PXDNL: variants seen among roughly 807,000 people sequenced by gnomAD.
PXDNL encodes probable oxidoreductase PXDNL.
A neutral mutation model predicts 150.8 loss-of-function variants in PXDNL; 145 were observed. The ratio of observed to expected loss-of-function variants is 0.96; its 90% CI spans 0.84 to 1.10. PXDNL has a LOEUF of 1.10. PXDNL is among the 50% of genes least tolerant of loss of function. The pLI is 0.00. For synonymous variants in PXDNL, 757 were observed against 725.7 expected (o/e 1.04, Z -0.69); for missense variants, 2,087 against 1,873.9 (o/e 1.11, Z -2.10).
chr8:51,731,062 A>G (rs1487779618), intron 1 of PXDNL, among the ~76,000 whole-genome samples: 3 of 152,130 alleles, frequency 2.0e-5, no homozygotes. Context: ...TTCAAAACCA[A>G]TCATGCCTTC....
At chr8:51,668,705 T>A (rs1815439847) in intron 1 of PXDNL, among the ~76,000 whole-genome samples, 1 of 152,222 alleles carries the variant, frequency 6.6e-6, no homozygotes, top group African/African-American at 2.4e-5. Context: ...GGCATCATTA[T>A]CAATATTACT....
In PXDNL at chr8:51,409,405, G is replaced by T; in HGVS notation, c.2219C>A (p.Pro740His). The T allele has an allele frequency of 1.2e-6, 2 of 1,610,778 alleles. No homozygotes were observed. The highest frequency in any genetic ancestry group is 1.1e-5 in the South Asian group (1 of 90,994). ...HDGTCNNLQQ[P>H]TWGAALTAFA... ...GGCGGTCAGCGCCGCGCCCCACGTG[G>T]GCTGCTGCAGGTTGTTGCACGTGCC... The change falls in exon 17 of 23, where the codon CCC becomes CAC. Residue 740 changes from proline to histidine, a missense_variant. By Grantham distance (77) the Pro-to-His change is moderately conservative (BLOSUM62 -2). Transcript: ENST00000356297.
In PXDNL at chr8:51,424,938, T is replaced by C. The variant is rs375538545; in HGVS notation, c.1639-1207A>G. Among the ~76,000 whole-genome samples the C allele has an allele frequency of 1.2e-4, 18 of 152,248 alleles. No homozygotes were observed. In the East Asian group the frequency reaches 3.3e-3, roughly 28 times the overall value. ...TAACTCAGAGTAGGGAGTGAGAAGT[T>C]GCAGGGCCCCACCAGGTGAGAGGGC... On this transcript the variant is annotated intron_variant, in intron 13 of 22. Transcript: ENST00000356297.
intron 4 of PXDNL, among the ~76,000 whole-genome samples, chr8:51,502,887 A>G (rs993928087): frequency 3.3e-5 from 5 of 152,180 alleles, no homozygotes; most frequent in Non-Finnish European, 1.5e-5. Context: ...AATTAGAGCA[A>G]AGAGACAATC....
intron 1 of PXDNL, among the ~76,000 whole-genome samples, chr8:51,741,111 G>A (rs899392198): frequency 6.6e-6 from 1 of 152,122 alleles, no homozygotes; most frequent in Admixed American, 6.6e-5. Context: ...TTGTGTGTTT[G>A]TTTGTTTTTT....
chr8:51,795,156 A>G (rs2037548585), intron 1 of PXDNL, among the ~76,000 whole-genome samples: 1 of 152,246 alleles, frequency 6.6e-6, no homozygotes, highest in Non-Finnish European at 1.5e-5. Context: ...AAGCTCTTAG[A>G]GACCTACAAA....
At chr8:51,377,302 G>C (rs555533423) in intron 17 of PXDNL, among the ~76,000 whole-genome samples, 3 of 151,442 alleles carry the variant, frequency 2.0e-5, no homozygotes, top group African/African-American at 7.3e-5. Context: ...TCACTTTCTC[G>C]CCCATGCTGG....
At chr8:51,754,545 C>T (rs2037079646) in intron 1 of PXDNL, among the ~76,000 whole-genome samples, 1 of 152,062 alleles carries the variant, frequency 6.6e-6, no homozygotes, top group Admixed American at 6.6e-5. Flanking sequence ...GCTCTGTCAC[C>T]CAGGCTGGAG....
At chr8:51,615,806 A>T (rs1364731414) in intron 2 of PXDNL, among the ~76,000 whole-genome samples, 2 of 152,232 alleles carry the variant, frequency 1.3e-5, no homozygotes, top group Admixed American at 1.3e-4. Context: ...TTCCAATATG[A>T]TGTTAAGATC....
chr8:51,636,329 T>C (rs1046098942), intron 2 of PXDNL, among the ~76,000 whole-genome samples: 2 of 152,152 alleles, frequency 1.3e-5, no homozygotes, highest in Admixed American at 6.5e-5. Context: ...TTTAACGCTA[T>C]ATTGGAAGTT....
intron 21 of PXDNL, among the ~76,000 whole-genome samples, chr8:51,323,998 G>A (rs7016124): frequency 0.34 from 50,921 of 151,354 alleles, 10,224 homozygotes; most frequent in African/African-American, 0.56. Flanking sequence ...AATACAGTGC[G>A]TGGCACTTTT....
At chr8:51,657,294 G>T (rs1011662363) in intron 1 of PXDNL, among the ~76,000 whole-genome samples, 1 of 152,094 alleles carries the variant, frequency 6.6e-6, no homozygotes, top group African/African-American at 2.4e-5. Context: ...GTCTATATAT[G>T]AAAATAAACC....
At chr8:51,505,703 A>G (rs531399596) in intron 4 of PXDNL, among the ~76,000 whole-genome samples, 59 of 152,336 alleles carry the variant, frequency 3.9e-4, no homozygotes, top group African/African-American at 1.4e-3. Flanking sequence ...CTGAATCTGA[A>G]GCTTGCAATA....
rs545220225 is a variant in PXDNL at position 51,638,530 on chromosome 8, A to G, written c.236+16159T>C. ...GATCTACCAAGCAAATAGAAAACGA[A>G]AAAAGGCAGGGGTTGCAATCCTAGT... On this transcript the variant is annotated intron_variant, in intron 2 of 22. Transcript: ENST00000356297. Among the ~76,000 whole-genome samples, 4 of 152,148 alleles carry G rather than the reference A, an allele frequency of 2.6e-5. No homozygotes were observed. In the South Asian group the frequency reaches 8.3e-4, roughly 32 times the overall value.
chr8:51,526,031 T>G (rs987303566), intron 4 of PXDNL, among the ~76,000 whole-genome samples: 2 of 152,182 alleles, frequency 1.3e-5, no homozygotes, highest in African/African-American at 4.8e-5. Flanking sequence ...ATCTGAAATT[T>G]TTTGCATGTA....
At chr8:51,321,763 T>G (rs1805321663) in intron 21 of PXDNL, among the ~76,000 whole-genome samples, 1 of 152,136 alleles carries the variant, frequency 6.6e-6, no homozygotes, top group Admixed American at 6.5e-5. Context: ...ACCTATTTTC[T>G]TCATAAATTG....
chr8:51,667,332 C>G (rs1371530915), intron 1 of PXDNL, among the ~76,000 whole-genome samples: 1 of 152,182 alleles, frequency 6.6e-6, no homozygotes, highest in Non-Finnish European at 1.5e-5. Flanking sequence ...ATGTTTTACA[C>G]TCCTTGCAGT....
At chr8:51,538,446 A>G (rs1812135351) in intron 4 of PXDNL, among the ~76,000 whole-genome samples, 2 of 152,182 alleles carry the variant, frequency 1.3e-5, no homozygotes, top group Non-Finnish European at 2.9e-5. Flanking sequence ...TAATTCTAAA[A>G]TACATCTGAG....
chr8:51,572,511 A>T (rs1812968494), intron 3 of PXDNL, among the ~76,000 whole-genome samples: 1 of 151,960 alleles, frequency 6.6e-6, no homozygotes, highest in African/African-American at 2.4e-5. Context: ...AGAAAAATTC[A>T]TGGAGACTGA....
Sources: gnomAD v4.1 joint callset for allele counts (sites outside exome capture counted in the v4.1 genomes callset) on GRCh38, gnomAD v4.1.1 for gene constraint, MANE v1.5 for transcripts, NCBI Gene and HGNC (gene_info 2026-07-23, HGNC 2026-07-21) for gene names.